Variants in MORN3 observed in about 807,000 individuals in gnomAD.
MORN3 encodes MORN repeat containing 3.
A neutral mutation model predicts 34.7 loss-of-function variants in MORN3; 38 were observed. The ratio of observed to expected loss-of-function variants is 1.10; its 90% CI spans 0.85 to 1.44. MORN3 has a LOEUF of 1.44. Ranked by LOEUF, MORN3 falls within the 40% of genes most tolerant of loss-of-function variation. The pLI, the probability that MORN3 is intolerant of heterozygous loss-of-function variation, is 0.00. For missense variants in MORN3, 311 were observed against 321.7 expected, an observed-to-expected ratio of 0.97 and a Z score of 0.25; for synonymous variants, 109 against 115.3, an observed-to-expected ratio of 0.95 and a Z score of 0.35.
At chr12:121,662,679 G>C (rs1435917647) in intron 1 of MORN3, among the ~76,000 whole-genome samples, 1 of 151,916 alleles carries the variant, frequency 6.6e-6, no homozygotes. Flanking sequence ...TCTTGAACCA[G>C]GAGGCGGAGG....
chr12:121,659,055 G>T, intron 2 of MORN3, 136 bp downstream of exon 2: 1 of 1,200,168 alleles, frequency 8.3e-7, no homozygotes. Context: ...CCCACGAGCA[G>T]CACAACCCTG....
chr12:121,662,125 G>A (rs1893602664), intron 1 of MORN3, among the ~76,000 whole-genome samples: 1 of 151,986 alleles, frequency 6.6e-6, no homozygotes, highest in African/African-American at 2.4e-5. Context: ...AAAATGTGGA[G>A]ATGTTCTGTC....
At position 121,651,599 on chromosome 12, in the gene MORN3, G is replaced by C. The variant is rs1042014867; in HGVS notation, c.*52C>G. On this transcript the variant is annotated 3_prime_UTR_variant, in exon 6 of 6. Transcript: ENST00000355329. ...CAGCCAGAGCCGCACTGGTCTGAGC[G>C]ATCGGGTGACACAGGCTTGAATTTC... The C allele has an allele frequency of 6.6e-6, 1 of 152,388 alleles. No homozygotes were observed. The highest frequency in any genetic ancestry group is 1.5e-5 in the Non-Finnish European group (1 of 68,180). 9.4% of individuals were successfully genotyped at this position (152,388 alleles called of 1,614,324 possible).
At position 121,669,473 on chromosome 12, in the gene MORN3, G is replaced by A; in HGVS notation, c.11C>T (p.Ser4Phe). The change falls in exon 1 of 6, where the codon TCT (serine) becomes TTT (phenylalanine). Residue 4 changes from serine to phenylalanine, a missense_variant. Transcript: ENST00000355329. MPV[S>F]KCPKKSESLW... ...GGACTCCGACTTTTTTGGGCACTTA[G>A]AGACTGGCATGGTGGCTGCTTCTGC... 6.2e-7 allele frequency: 1 copy of A among 1,613,738 alleles called. No homozygotes were observed. Among genetic ancestry groups the A allele is most frequent in the Non-Finnish European group, 8.5e-7 (1 of 1,179,748 alleles).
At chr12:121,667,219 C>T (rs984815476) in intron 1 of MORN3, among the ~76,000 whole-genome samples, 1 of 151,890 alleles carries the variant, frequency 6.6e-6, no homozygotes, top group African/African-American at 2.4e-5. Flanking sequence ...GTCTCGGCCT[C>T]CCAAAGTGCT....
chr12:121,665,278 C>CTTTTTTTTTTTTTTTTT (rs767525874), intron 1 of MORN3, among the ~76,000 whole-genome samples: 2 of 50,668 alleles, frequency 3.9e-5, no homozygotes, highest in Non-Finnish European at 7.0e-5. Context: ...TTTTTCTTTC[C>CTTTTTTTTTTTTTTTTT]TTTTTTTTTT....
In MORN3 at chr12:121,653,245, AG is replaced by A. The variant is rs782693416; in HGVS notation, c.477del (p.Tyr160ThrfsTer9). 6.2e-7 allele frequency: 1 copy of A among 1,613,840 alleles called. No homozygotes were observed. Among genetic ancestry groups the A allele is most frequent in the Admixed American group, 1.7e-5 (1 of 59,978 alleles). The stretch of plus-strand genomic sequence containing the variant: ...ATGCCTCTCTCCCAGCAGCCCTCGT[AG>A]CGGTTCCCGTTCTCTGGGGGAAAGG... ...EGMLRLKNGNRYEGCWERGMK... is the reference protein window; with the variant it reads ...EGMLRLKNGNXYEGCWERGMK... On this transcript the variant is annotated frameshift_variant, in exon 4 of 6. Transcript: ENST00000355329. LOFTEE classifies it high-confidence loss of function.
upstream of MORN3, among the ~76,000 whole-genome samples, chr12:121,671,212 CCTGA>C (rs1170571783): frequency 6.7e-6 from 1 of 150,338 alleles, no homozygotes; most frequent in African/African-American, 2.5e-5. Flanking sequence ...TTGAGACCAT[CCTGA>C]CTAACATGGT....
chr12:121,651,593 C>G lies in MORN3; in HGVS notation c.*58G>C, dbSNP rs1893256066. On this transcript the variant is annotated 3_prime_UTR_variant, in exon 6 of 6. Coordinates refer to ENST00000355329, the MANE Select transcript of MORN3 (RefSeq NM_173855.5). Reference sequence around the variant, plus strand: ...CTCCTCCAGCCAGAGCCGCACTGGTCTGAGCGATCGGGTGACACAGGCTTG... The same window carrying G: ...CTCCTCCAGCCAGAGCCGCACTGGTGTGAGCGATCGGGTGACACAGGCTTG... The G allele has an allele frequency of 6.6e-6, 1 of 152,460 alleles. No homozygotes were observed. The highest frequency in any genetic ancestry group is 2.4e-5 in the African/African-American group (1 of 41,440). 9.4% of individuals were successfully genotyped at this position (152,460 alleles called of 1,614,324 possible). A position where few individuals can be genotyped will look rare whatever the true frequency, so the allele number is the denominator to read the frequency against.
At chr12:121,659,953 G>A (rs991990664) in intron 1 of MORN3, among the ~76,000 whole-genome samples, 9 of 151,888 alleles carry the variant, frequency 5.9e-5, no homozygotes, top group Non-Finnish European at 1.2e-4. Flanking sequence ...GTGCCTGGAG[G>A]CTGGGTGCAG....
intron 1 of MORN3, among the ~76,000 whole-genome samples, chr12:121,666,815 G>A (rs928576695): frequency 3.3e-5 from 5 of 152,086 alleles, no homozygotes; most frequent in Non-Finnish European, 7.4e-5. Flanking sequence ...CAGCATGGGT[G>A]TTATGGGACA....
At chr12:121,652,098 G>C (rs1364931797) in intron 5 of MORN3, among the ~76,000 whole-genome samples, 2 of 151,978 alleles carry the variant, frequency 1.3e-5, no homozygotes, top group Non-Finnish European at 2.9e-5. Context: ...CCCACGCCCA[G>C]CTAATTTTTG....
intron 1 of MORN3, among the ~76,000 whole-genome samples, chr12:121,667,724 T>C (rs891402097): frequency 1.3e-5 from 2 of 151,084 alleles, no homozygotes; most frequent in African/African-American, 4.9e-5. Context: ...AAGTCTTTTT[T>C]TTTTTCTTTT....
chr12:121,667,537 G>C (rs1193675463), intron 1 of MORN3, among the ~76,000 whole-genome samples: 1 of 151,912 alleles, frequency 6.6e-6, no homozygotes, highest in African/African-American at 2.4e-5. Context: ...TTACAGGTGT[G>C]AGCCACTGTC....
At chr12:121,665,803 G>T (rs930297438) in intron 1 of MORN3, among the ~76,000 whole-genome samples, 1 of 147,754 alleles carries the variant, frequency 6.8e-6, no homozygotes, top group African/African-American at 2.5e-5. Context: ...GGCATTTTCT[G>T]CTACTGTTTG....
At position 121,669,622 on chromosome 12, in the gene MORN3, C is replaced by T; in HGVS notation, c.-139G>A. The stretch of plus-strand genomic sequence containing the variant: ...GTTCTGAGTCCCTGGGGCAGGTGAA[C>T]AGCCCTTAGTGGGGATCCTTTAGTG... On this transcript the variant is annotated 5_prime_UTR_variant, in exon 1 of 6. Coordinates refer to ENST00000355329, the MANE Select transcript of MORN3 (RefSeq NM_173855.5). 7 of 1,236,756 alleles carry T rather than the reference C, an allele frequency of 5.7e-6. No individual in the cohort carries two copies. Among genetic ancestry groups the T allele is most frequent in the Middle Eastern group, 2.1e-4 (1 of 4,778 alleles). 76.6% of individuals were successfully genotyped at this position (1,236,756 alleles called of 1,614,324 possible).
intron 1 of MORN3, among the ~76,000 whole-genome samples, chr12:121,661,081 G>T (rs75047750): frequency 0.012 from 1,781 of 152,026 alleles, 35 homozygotes; most frequent in African/African-American, 0.041. Context: ...TCAGCCTCCT[G>T]AGTAGCTGAG....
At chr12:121,652,101 A>G (rs2088973485) in intron 5 of MORN3, among the ~76,000 whole-genome samples, 3 of 151,538 alleles carry the variant, frequency 2.0e-5, no homozygotes, top group Non-Finnish European at 4.4e-5. Context: ...ACGCCCAGCT[A>G]ATTTTTGTGT....
rs762458188 is a variant in MORN3, at chr12:121,659,232, T to G, written c.262A>C (p.Arg88=). The G allele has an allele frequency of 3.7e-6, 6 of 1,613,782 alleles. No homozygotes were observed. The highest frequency in any genetic ancestry group is 2.2e-5 in the East Asian group (1 of 44,874). ...SLPDQQTGKC[R]RVYSGWWKGD... is the part of the protein sequence containing the mutation. The stretch of plus-strand genomic sequence containing the variant: ...TTCCACCAGCCTGAGTAGACTCTCC[T>G]GCACTTTCCTGTCTGTTGGTCAGGA... The change falls in exon 2 of 6, where the codon AGG becomes CGG. Residue 88 remains arginine (R), a synonymous_variant. Transcript: ENST00000355329.
Sources: gnomAD v4.1 joint callset for allele counts (sites outside exome capture counted in the v4.1 genomes callset) on GRCh38, gnomAD v4.1.1 for gene constraint, MANE v1.5 for transcripts, NCBI Gene and HGNC (gene_info 2026-07-23, HGNC 2026-07-21) for gene names.